Variants in OTUD4 observed in about 807,000 individuals in gnomAD.
The protein encoded by OTUD4 is OTU domain-containing protein 4.
A neutral mutation model predicts 130.4 loss-of-function variants in OTUD4; 24 were observed. That is an observed-to-expected ratio of 0.18 (90% CI 0.13 to 0.26). OTUD4 has a LOEUF of 0.26. OTUD4 is among the 10% of genes least tolerant of loss of function. OTUD4 has a pLI of 1.00. For missense variants in OTUD4, 1,031 were observed against 1,329.4 expected (o/e 0.78, Z 3.49); for synonymous variants, 420 against 472.5 (o/e 0.89, Z 1.44).
chr4:145,142,373 C>T (rs1750607367), intron 17 of OTUD4, 39 bp from the exon 18 acceptor site: 1 of 1,598,274 alleles, frequency 6.3e-7, no homozygotes, highest in Non-Finnish European at 8.5e-7. Context: ...CAGAAAAAGA[C>T]AAGAGGTCAT....
intron 5 of OTUD4, among the ~76,000 whole-genome samples, chr4:145,163,536 T>A (rs1411627875): frequency 6.6e-6 from 1 of 152,130 alleles, no homozygotes; most frequent in Non-Finnish European, 1.5e-5. Context: ...TATTTTTTTT[T>A]ACTAATGTTT....
intron 6 of OTUD4, among the ~76,000 whole-genome samples, chr4:145,161,193 T>C (rs534019350): frequency 6.6e-6 from 1 of 152,128 alleles, no homozygotes; most frequent in Non-Finnish European, 1.5e-5. Flanking sequence ...TTCCTTCTTA[T>C]AGACCATCTT....
chr4:145,165,383 C>T (rs1395619768), intron 3 of OTUD4, among the ~76,000 whole-genome samples, 186 bp from the exon 4 acceptor site: 2 of 151,962 alleles, frequency 1.3e-5, no homozygotes, highest in Non-Finnish European at 2.9e-5. Context: ...AAATGCAGTC[C>T]AAGTCTCTCC....
intron 2 of OTUD4, among the ~76,000 whole-genome samples, chr4:145,173,354 A>G (rs1752268309): frequency 6.6e-6 from 1 of 152,142 alleles, no homozygotes; most frequent in Admixed American, 6.5e-5. Flanking sequence ...AGATGGCGCC[A>G]CTGCACTCCA....
At position 145,162,341 on chromosome 4, in the gene OTUD4, CAGG is replaced by C. The variant is rs1579274970; in HGVS notation, c.496+296_496+298del. Among the ~76,000 whole-genome samples, 5 of 152,116 alleles carry C rather than the reference CAGG, an allele frequency of 3.3e-5. No individual in the cohort carries two copies. The East Asian group carries it at 9.7e-4, about 29-fold the overall frequency. ...GGTCGAGGCGGGCGGATCACGAGGT[CAGG>C]AGATCGAGACCACCCTGGCTAACAC... On this transcript the variant is annotated intron_variant, in intron 6 of 20. Transcript: ENST00000447906.
intron 6 of OTUD4, 68 bp downstream of exon 6, chr4:145,162,572 A>G: frequency 1.2e-6 from 1 of 863,944 alleles, no homozygotes. Flanking sequence ...AAAAAACAAA[A>G]CAAAAAACAA....
chr4:145,174,523 T>C (rs761370625), intron 2 of OTUD4, 138 bp downstream of exon 2: 36 of 589,004 alleles, frequency 6.1e-5, no homozygotes, highest in Non-Finnish European at 1.0e-4. Flanking sequence ...TTAAGTTCAA[T>C]AGAGAAGTTT....
In OTUD4 at chr4:145,138,284, G is replaced by C; in HGVS notation, c.2491C>G (p.Leu831Val). The change falls in exon 21 of 21, where the codon CTA becomes GTA. Residue 831 changes from leucine to valine, a missense_variant. Transcript: ENST00000447906. Reference sequence around the variant, plus strand: ...TGGGGGAACATATTCTTGCCACTTAGTGACTCTTCATAATCAGCATGCAGA... The same window carrying C: ...TGGGGGAACATATTCTTGCCACTTACTGACTCTTCATAATCAGCATGCAGA... ...QLLHADYEES[L>V]SGKNMFPQPS... The C allele has an allele frequency of 6.2e-7, 1 of 1,614,060 alleles. No homozygotes were observed. The highest frequency in any genetic ancestry group is 8.5e-7 in the Non-Finnish European group (1 of 1,179,924).
At chr4:145,177,485 A>G (rs940311830) in intron 1 of OTUD4, among the ~76,000 whole-genome samples, 4 of 152,262 alleles carry the variant, frequency 2.6e-5, no homozygotes, top group Admixed American at 6.5e-5. Context: ...TGCAAGGTTG[A>G]TAACACTTCG....
chr4:145,179,772 T>TTCC, intron 1 of OTUD4, 43 bp downstream of exon 1: 2 of 788,424 alleles, frequency 2.5e-6, no homozygotes, highest in South Asian at 1.6e-5. Flanking sequence ...CGCCGGGCCG[T>TTCC]CCCCGCCTCC....
Position 145,138,660 on chromosome 4 carries a change from CA to C in OTUD4, c.2125-11del, listed in dbSNP as rs36226996. On this transcript the variant is annotated splice_polypyrimidine_tract_variant and intron_variant, in intron 20 of 20. Transcript: ENST00000447906. ...TAGGACAACTGTATGCCTGAAGAGACAAAAAACAGTTAAATAAACAAAAGAG... is the reference window on the plus strand; with the variant it reads ...TAGGACAACTGTATGCCTGAAGAGACAAAAACAGTTAAATAAACAAAAGAG... 9.5e-4 allele frequency: 1,488 copies of C among 1,572,848 alleles called. 22 individuals carry two copies. The African/African-American group carries it at 0.019, about 20-fold the overall frequency.
intron 13 of OTUD4, among the ~76,000 whole-genome samples, chr4:145,149,328 A>T (rs1446577677): frequency 6.6e-6 from 1 of 152,184 alleles, no homozygotes; most frequent in African/African-American, 2.4e-5. Flanking sequence ...CTTCGGAGAC[A>T]GCATGGCCCT....
chr4:145,153,806 C>T lies in OTUD4; in HGVS notation c.874-1171G>A, dbSNP rs373304743. Among the ~76,000 whole-genome samples the T allele has an allele frequency of 5.3e-5, 8 of 152,264 alleles. No individual in the cohort carries two copies. The East Asian group carries it at 1.2e-3, about 22-fold the overall frequency. ...CTGGTATTTCATTCTTCATCAATGA[C>T]AATAAAGACATTTTTCCTTCAAAAG... On this transcript the variant is annotated intron_variant, in intron 10 of 20. Coordinates refer to ENST00000447906, the MANE Select transcript of OTUD4 (RefSeq NM_001366057.1).
intron 1 of OTUD4, among the ~76,000 whole-genome samples, chr4:145,176,165 G>A (rs1345776012): frequency 6.6e-6 from 1 of 151,082 alleles, no homozygotes; most frequent in Non-Finnish European, 1.5e-5. Flanking sequence ...CAAAGTGCTG[G>A]GATTACAGAC....
chr4:145,174,293 A>G (rs1476419523), intron 2 of OTUD4, among the ~76,000 whole-genome samples: 2 of 152,016 alleles, frequency 1.3e-5, no homozygotes, highest in Non-Finnish European at 2.9e-5. Context: ...CTTTTAATTT[A>G]TAGGGAGTTA....
intron 7 of OTUD4, chr4:145,159,270 A>T: frequency 7.6e-7 from 1 of 1,321,822 alleles, no homozygotes; most frequent in Non-Finnish European, 9.7e-7. Flanking sequence ...TCTAGATTGC[A>T]GACGTAAATT....
At chr4:145,164,876 A>G (rs1381728957) in intron 4 of OTUD4, among the ~76,000 whole-genome samples, 5 of 152,220 alleles carry the variant, frequency 3.3e-5, no homozygotes. Context: ...GAGAAAGTAG[A>G]AAATCATTTC....
chr4:145,149,856 A>C (rs1285625218), intron 13 of OTUD4, among the ~76,000 whole-genome samples: 1 of 152,242 alleles, frequency 6.6e-6, no homozygotes, highest in Non-Finnish European at 1.5e-5. Context: ...TCATATTTGC[A>C]CGATGAAGAC....
chr4:145,140,092 ATAAT>A (rs1750489911), intron 19 of OTUD4, 101 bp from the exon 20 acceptor site: 6 of 422,982 alleles, frequency 1.4e-5, no homozygotes, highest in Non-Finnish European at 1.3e-5. Flanking sequence ...TTTACCTACT[ATAAT>A]TGTCTTCTCT....
Sources: allele counts gnomAD v4.1 joint callset (sites outside exome capture counted in the v4.1 genomes callset), GRCh38; gene constraint gnomAD v4.1.1; transcripts MANE v1.5; gene names NCBI Gene and HGNC (gene_info 2026-07-23, HGNC 2026-07-21).